The following ITPA variants were observed in gnomAD, a reference collection of about 807,000 sequenced individuals.
The protein encoded by ITPA is inosine triphosphate pyrophosphatase.
A neutral mutation model predicts 29.6 loss-of-function variants in ITPA; 29 were observed. The observed-to-expected ratio is 0.98, with a 90% CI of 0.73 to 1.34. The LOEUF is 1.34. Among genes scored for constraint, ITPA ranks in the 40% most tolerant of loss-of-function variants. The probability of loss-of-function intolerance (pLI) is 0.00; values close to 1 mark genes in which losing one functional copy is unlikely to be tolerated. For synonymous variants in ITPA, 103 were observed against 99.3 expected (o/e 1.04, Z -0.22); for missense variants, 241 against 251.5 (o/e 0.96, Z 0.28).
At chr20:3,221,631 C>T in intron 6 of ITPA, 2 of 647,848 alleles carry the variant, frequency 3.1e-6, no homozygotes, top group Non-Finnish European at 5.6e-6. Flanking sequence ...GTCCATGCCT[C>T]CTCCCTGTGT....
In ITPA at chr20:3,223,438, G is replaced by A. The variant is rs9101; in HGVS notation, c.561G>A (p.Glu187=). Residue 187 remains glutamate, a synonymous_variant, in exon 8 of 8, where the codon GAG becomes GAA. Coordinates refer to ENST00000380113, the MANE Select transcript of ITPA (RefSeq NM_033453.4). ...HRFRALLELQ[E]YFGSLAA ...TCCGGGCCCTGCTGGAGCTGCAGGA[G>A]TACTTTGGCAGTTTGGCAGCTTGAC... The A allele has an allele frequency of 0.3, 487,796 of 1,612,194 alleles. 79,423 individuals are homozygous for A. Among genetic ancestry groups the A allele is most frequent in the South Asian group, 0.52 (47,091 of 90,822 alleles).
downstream of ITPA, among the ~76,000 whole-genome samples, chr20:3,226,281 C>T (rs192639131): frequency 6.6e-6 from 1 of 152,124 alleles, no homozygotes; most frequent in African/African-American, 2.4e-5. The surrounding 1 kb of genome is among the most constrained non-coding windows in gnomAD (Gnocchi z 4.4). Context: ...TGGTGGGCAC[C>T]CAGCAGCTGT....
At position 3,223,546 on chromosome 20, in the gene ITPA, G is replaced by A. The variant is rs1454409894; in HGVS notation, c.*84G>A. On this transcript the variant is annotated 3_prime_UTR_variant, in exon 8 of 8. Coordinates refer to ENST00000380113, the MANE Select transcript of ITPA (RefSeq NM_033453.4). ...CTCCCGCATCGGGCAGGCACCCCCTGAAGTACTTCCTTCAGGGTTTCCCCT... is the reference window on the plus strand; with the variant it reads ...CTCCCGCATCGGGCAGGCACCCCCTAAAGTACTTCCTTCAGGGTTTCCCCT... The A allele has an allele frequency of 3.2e-5, 33 of 1,020,832 alleles. No individual in the cohort carries two copies. Among genetic ancestry groups the A allele is most frequent in the South Asian group, 2.3e-4 (17 of 73,918 alleles). 63.2% of individuals were successfully genotyped at this position (1,020,832 alleles called of 1,614,324 possible).
chr20:3,222,972 C>CAGCT (rs2067504199), intron 7 of ITPA, among the ~76,000 whole-genome samples: 1 of 152,182 alleles, frequency 6.6e-6, no homozygotes, highest in African/African-American at 2.4e-5. Context: ...GGCCCCTGGC[C>CAGCT]AGCTGTTCAA....
At chr20:3,212,329 T>A (rs1372374837) in intron 1 of ITPA, among the ~76,000 whole-genome samples, 3 of 152,114 alleles carry the variant, frequency 2.0e-5, no homozygotes, top group African/African-American at 7.2e-5. Flanking sequence ...TTAATTTTTT[T>A]TTTTTTTTGA....
chr20:3,216,471 T>TG (rs1568513683), intron 5 of ITPA, among the ~76,000 whole-genome samples: 1 of 141,348 alleles, frequency 7.1e-6, no homozygotes, highest in African/African-American at 2.7e-5. Context: ...TTTTTTTTTT[T>TG]GTGACAAGTT....
rs201971455 is a variant in ITPA, at chr20:3,214,053, C to G, written c.258C>G (p.Pro86=). 1 of 1,614,082 alleles carries G rather than the reference C, an allele frequency of 6.2e-7. No homozygotes were observed. The highest frequency in any genetic ancestry group is 1.3e-5 in the African/African-American group (1 of 74,948). ...ATGCCCTTGGAGGGCTCCCCGGCCCCTACATGTGAGTGACTACCTCCACCC... is the reference window on the plus strand; with the variant it reads ...ATGCCCTTGGAGGGCTCCCCGGCCCGTACATGTGAGTGACTACCTCCACCC... ...CFNALGGLPG[P]YIKWFLEKLK... The change falls in exon 4 of 8, where the codon CCC becomes CCG. Residue 86 remains proline, a synonymous_variant. Coordinates refer to ENST00000380113, the MANE Select transcript of ITPA (RefSeq NM_033453.4).
chr20:3,211,077 AAG>A (rs376172420), intron 1 of ITPA, among the ~76,000 whole-genome samples: 22,700 of 102,018 alleles, frequency 0.22, 2,120 homozygotes, highest in South Asian at 0.46. Context: ...AAAAAAAAAA[AAG>A]AAGAAGAAGA....
intron 6 of ITPA, among the ~76,000 whole-genome samples, chr20:3,219,570 C>T (rs536243493): frequency 5.3e-5 from 8 of 151,700 alleles, no homozygotes; most frequent in African/African-American, 1.7e-4. Context: ...CACAGCAAAA[C>T]CCCGTCTCAA....
chr20:3,208,221 T>G (rs1244088933), upstream of ITPA, among the ~76,000 whole-genome samples: 1 of 151,930 alleles, frequency 6.6e-6, no homozygotes, highest in Non-Finnish European at 1.5e-5. Context: ...TGGGCTGTTT[T>G]TCTTCTTTTC....
At chr20:3,225,200 C>G (rs972007201), downstream of ITPA, among the ~76,000 whole-genome samples, 1 of 152,024 alleles carries the variant, frequency 6.6e-6, no homozygotes, top group African/African-American at 2.4e-5. Flanking sequence ...GAGACCCTGT[C>G]TCATTAAAAA....
upstream of ITPA, among the ~76,000 whole-genome samples, chr20:3,207,907 A>G (rs554917476): frequency 6.6e-6 from 1 of 151,486 alleles, no homozygotes; most frequent in East Asian, 1.9e-4. Context: ...AGGCAGGAGA[A>G]TCGCTTCAAC....
chr20:3,204,649 C>T (rs1221304417), upstream of ITPA: 20 of 1,559,852 alleles, frequency 1.3e-5, no homozygotes, highest in Non-Finnish European at 1.6e-5. Flanking sequence ...CAGTGCAGAA[C>T]CACTGCGTCC....
upstream of ITPA, among the ~76,000 whole-genome samples, chr20:3,208,682 T>C (rs2067107721): frequency 6.6e-6 from 1 of 152,200 alleles, no homozygotes; most frequent in Admixed American, 6.5e-5. Flanking sequence ...TCCCACACTT[T>C]GATGAGCATC....
At chr20:3,204,536 C>T (rs778600070), upstream of ITPA, 3 of 1,559,082 alleles carry the variant, frequency 1.9e-6, no homozygotes, top group Middle Eastern at 1.7e-4. Flanking sequence ...GCATCTCCTA[C>T]CTGATGCCGC....
In ITPA at chr20:3,221,917, C is replaced by T. The variant is rs758706191; in HGVS notation, c.488C>T (p.Thr163Met). The T allele has an allele frequency of 5.6e-6, 9 of 1,613,582 alleles. No homozygotes were observed. Among genetic ancestry groups the T allele is most frequent in the East Asian group, 2.2e-5 (1 of 44,878 alleles). ...TTTCAGCCTGATGGATATGAGCAGACGTAAGGAGCCCTGCTTTTCTTCCCT... is the reference window on the plus strand; with the variant it reads ...TTTCAGCCTGATGGATATGAGCAGATGTAAGGAGCCCTGCTTTTCTTCCCT... ...PCFQPDGYEQ[T>M]YAEMPKAEKN... Residue 163 changes from threonine (T) to methionine (M), a missense_variant and splice_region_variant, in exon 7 of 8, where the codon ACG becomes ATG. Coordinates refer to ENST00000380113, the MANE Select transcript of ITPA (RefSeq NM_033453.4).
chr20:3,220,107 A>G (rs559572241), intron 6 of ITPA, among the ~76,000 whole-genome samples: 1 of 150,854 alleles, frequency 6.6e-6, no homozygotes, highest in African/African-American at 2.4e-5. Context: ...CGTGAGATGT[A>G]TTCAACACCC....
chr20:3,207,893 G>A (rs1453739663), upstream of ITPA, among the ~76,000 whole-genome samples: 2 of 150,978 alleles, frequency 1.3e-5, no homozygotes, highest in African/African-American at 4.9e-5. Context: ...TACTCAGGAG[G>A]CTGAGGCAGG....
upstream of ITPA, among the ~76,000 whole-genome samples, chr20:3,205,372 C>G (rs1007635733): frequency 6.6e-6 from 1 of 151,812 alleles, no homozygotes; most frequent in African/African-American, 2.4e-5. Context: ...GAGGGCAGTA[C>G]TGGAATTTAT....
Sources: allele counts gnomAD v4.1 joint callset (sites outside exome capture counted in the v4.1 genomes callset), GRCh38; gene constraint gnomAD v4.1.1; non-coding constraint Gnocchi (gnomAD v3.1); transcripts MANE v1.5; gene names NCBI Gene and HGNC (gene_info 2026-07-23, HGNC 2026-07-21).